The following GALNT9 variants were observed in gnomAD, a reference collection of about 807,000 sequenced individuals.
GALNT9 encodes polypeptide N-acetylgalactosaminyltransferase 9.
In GALNT9, 47 loss-of-function variants were observed where a neutral mutation model predicts 63.1. The ratio of observed to expected loss-of-function variants is 0.75; its 90% CI spans 0.59 to 0.95. GALNT9 has a LOEUF of 0.95. GALNT9 is among the 40% of genes least tolerant of loss of function. The pLI, the probability that GALNT9 is intolerant of heterozygous loss-of-function variation, is 0.00. For synonymous variants in GALNT9, 396 were observed against 365.7 expected, an observed-to-expected ratio of 1.08 and a Z score of -0.94; for missense variants, 829 against 874.8, an observed-to-expected ratio of 0.95 and a Z score of 0.66.
chr12:132,254,687 T>C (rs892883978), intron 5 of GALNT9, among the ~76,000 whole-genome samples: 18 of 152,240 alleles, frequency 1.2e-4, no homozygotes, highest in African/African-American at 4.3e-4. Context: ...AGAAGAGGGC[T>C]AGTGTCACTT....
In GALNT9 at chr12:132,319,602, G is replaced by C. The variant is rs1868685581; in HGVS notation, c.238+9364C>G. 6.6e-6 allele frequency among the ~76,000 whole-genome samples: 1 copy of C among 152,112 alleles called. No homozygotes were observed. Among genetic ancestry groups the C allele is most frequent in the Admixed American group, 6.5e-5 (1 of 15,272 alleles). ...CTCTTGGGTCTCTCTCTATCCGCCGGCTCCTTTCCTCGGGAGAGCCCTGAC... is the reference window on the plus strand; with the variant it reads ...CTCTTGGGTCTCTCTCTATCCGCCGCCTCCTTTCCTCGGGAGAGCCCTGAC... On this transcript the variant is annotated intron_variant, in intron 1 of 10. Transcript: ENST00000328957. The surrounding 1 kb of genome is among the most constrained non-coding windows in gnomAD (Gnocchi z 5.2).
rs1878982080 is a variant in GALNT9, at chr12:132,252,962, G to A, written c.959+4727C>T. Reference sequence around the variant, plus strand: ...ATATTTATTGCATACAGGACGAGGGGGCAGGGTAAGGAGGGTGAATCTTCT... The same window carrying A: ...ATATTTATTGCATACAGGACGAGGGAGCAGGGTAAGGAGGGTGAATCTTCT... On this transcript the variant is annotated intron_variant, in intron 5 of 10. Coordinates refer to ENST00000328957, the MANE Select transcript of GALNT9 (RefSeq NM_001122636.2). This position sits in a 1 kb window ranked among gnomAD's most constrained non-coding sequence, Gnocchi z 5.2. Among the ~76,000 whole-genome samples the A allele has an allele frequency of 2.0e-5, 3 of 152,102 alleles. No homozygotes were observed. The South Asian group carries it at 6.2e-4, about 32-fold the overall frequency.
At position 132,279,327 on chromosome 12, in the gene GALNT9, G is replaced by C. The variant is rs1880237975; in HGVS notation, c.419+6923C>G. On this transcript the variant is annotated intron_variant, in intron 2 of 10. Transcript: ENST00000328957. This position sits in a 1 kb window ranked among gnomAD's most constrained non-coding sequence, Gnocchi z 4.1. ...TGAAAGTCGCCTGAGACTTTTGCTT[G>C]CATGGTTGCTGGGACGGTCCAAAGT... 6.6e-6 allele frequency: 1 copy of C among 152,404 alleles called. No individual in the cohort carries two copies. Among genetic ancestry groups the C allele is most frequent in the African/African-American group, 2.4e-5 (1 of 41,580 alleles). 9.4% of individuals were successfully genotyped at this position (152,404 alleles called of 1,614,324 possible).
At chr12:132,259,172 G>A (rs1223211738) in intron 4 of GALNT9, among the ~76,000 whole-genome samples, 1 of 152,260 alleles carries the variant, frequency 6.6e-6, no homozygotes, top group Non-Finnish European at 1.5e-5. Flanking sequence ...AGAATCCTTT[G>A]TGGAGACAGT....
intron 6 of GALNT9, among the ~76,000 whole-genome samples, chr12:132,208,437 G>A (rs567045104): frequency 2.0e-5 from 3 of 152,360 alleles, no homozygotes; most frequent in South Asian, 4.1e-4. Flanking sequence ...AGAGGGGGAC[G>A]CTATCACCCT....
At chr12:132,303,510 T>C (rs797023216) in intron 1 of GALNT9, among the ~76,000 whole-genome samples, 1,289 of 7,250 alleles carry the variant, frequency 0.18, 150 homozygotes, top group East Asian at 0.27. Context: ...CACCCTCGCC[T>C]GGGCACACCC....
intron 2 of GALNT9, among the ~76,000 whole-genome samples, chr12:132,269,669 C>A (rs1308860477): frequency 1.3e-5 from 2 of 152,184 alleles, no homozygotes; most frequent in African/African-American, 4.8e-5. Flanking sequence ...TCCATGGATT[C>A]GGGGCCGAGG....
At chr12:132,243,562 T>C (rs2136905680) in intron 6 of GALNT9, among the ~76,000 whole-genome samples, 114 of 152,254 alleles carry the variant, frequency 7.5e-4, no homozygotes, top group African/African-American at 2.2e-3. Flanking sequence ...ACACCACGTC[T>C]CTTCGTCTGG....
At chr12:132,323,378 A>G (rs546418556) in intron 1 of GALNT9, among the ~76,000 whole-genome samples, 1 of 152,330 alleles carries the variant, frequency 6.6e-6, no homozygotes, top group South Asian at 2.1e-4. Context: ...TGCTCTACGC[A>G]GGTCTGCTCC....
intron 1 of GALNT9, among the ~76,000 whole-genome samples, chr12:132,309,858 G>A (rs891893966): frequency 3.9e-5 from 6 of 152,190 alleles, no homozygotes. Flanking sequence ...CAAGGGCCCA[G>A]CAGACGCCCG....
chr12:132,264,578 G>A (rs1879529028), intron 2 of GALNT9, among the ~76,000 whole-genome samples: 1 of 152,240 alleles, frequency 6.6e-6, no homozygotes, highest in South Asian at 2.1e-4. Context: ...CGCGTGGCCG[G>A]AGGCTGTGTC....
At chr12:132,291,126 C>G (rs1593108371) in intron 1 of GALNT9, among the ~76,000 whole-genome samples, 2 of 55,166 alleles carry the variant, frequency 3.6e-5, no homozygotes, top group Admixed American at 1.9e-4. Context: ...CCACAGCACC[C>G]ACATCCACAG....
At chr12:132,221,605 G>T (rs1877453571) in intron 6 of GALNT9, among the ~76,000 whole-genome samples, 1 of 142,970 alleles carries the variant, frequency 7.0e-6, no homozygotes, top group Non-Finnish European at 1.5e-5. Flanking sequence ...AGGTTGCAGT[G>T]AGTTGTGATC....
chr12:132,197,362 G>A, intron 10 of GALNT9, 109 bp from the exon 11 acceptor site: 1 of 1,489,284 alleles, frequency 6.7e-7, no homozygotes, highest in Non-Finnish European at 9.0e-7. Flanking sequence ...CATTCTTGGG[G>A]CAGCTTGAAT....
intron 1 of GALNT9, among the ~76,000 whole-genome samples, chr12:132,321,522 G>A (rs531120016): frequency 1.5e-4 from 23 of 152,238 alleles, no homozygotes; most frequent in South Asian, 1.2e-3. Context: ...GCACCCTTCC[G>A]GGGCCAACAG....
chr12:132,209,195 G>A (rs985923398), intron 6 of GALNT9, among the ~76,000 whole-genome samples: 23 of 152,068 alleles, frequency 1.5e-4, no homozygotes, highest in Middle Eastern at 3.2e-3. Context: ...ATAGGAGGTC[G>A]GCACAAGACA....
At chr12:132,248,716 T>G (rs1452523203) in intron 5 of GALNT9, among the ~76,000 whole-genome samples, 1 of 152,248 alleles carries the variant, frequency 6.6e-6, no homozygotes, top group Non-Finnish European at 1.5e-5. Context: ...TGCAGCTATG[T>G]GCCACAGACT....
intron 6 of GALNT9, among the ~76,000 whole-genome samples, chr12:132,204,791 G>A (rs895863245): frequency 1.3e-5 from 2 of 152,070 alleles, no homozygotes; most frequent in African/African-American, 2.4e-5. Context: ...AAAGGCCGAT[G>A]CCACCCACGG....
chr12:132,201,578 C>T (rs939695933), intron 7 of GALNT9, among the ~76,000 whole-genome samples: 2 of 152,212 alleles, frequency 1.3e-5, no homozygotes, highest in African/African-American at 4.8e-5. Flanking sequence ...CGGCCCTGCT[C>T]ACCTGGCCTT....
Sources: gnomAD v4.1 joint callset for allele counts (sites outside exome capture counted in the v4.1 genomes callset) on GRCh38, gnomAD v4.1.1 for gene constraint, Gnocchi (gnomAD v3.1) non-coding constraint, MANE v1.5 for transcripts, NCBI Gene and HGNC (gene_info 2026-07-23, HGNC 2026-07-21) for gene names.